TAOK1: variants seen among roughly 807,000 people sequenced by gnomAD.
TAOK1 encodes TAO kinase 1.
Under a neutral mutation model 138.3 loss-of-function variants are expected in TAOK1, and 21 were observed. The ratio of observed to expected loss-of-function variants is 0.15; its 90% CI spans 0.11 to 0.22. The LOEUF is 0.22. TAOK1 is among the 10% of genes least tolerant of loss of function. The pLI is 1.00. For synonymous variants in TAOK1, 361 were observed against 398.4 expected (o/e 0.91, Z 1.12); for missense variants, 651 against 1,227.7 (o/e 0.53, Z 7.02).
chr17:29,393,192 T>C (rs2153019312), intron 1 of TAOK1, among the ~76,000 whole-genome samples: 1 of 152,312 alleles, frequency 6.6e-6, no homozygotes, highest in Non-Finnish European at 1.5e-5. Flanking sequence ...TGTTGATAAT[T>C]ATTTCATATA....
chr17:29,394,150 G>T (rs1157234178), intron 1 of TAOK1, among the ~76,000 whole-genome samples: 34 of 48,262 alleles, frequency 7.0e-4, no homozygotes, highest in Admixed American at 2.7e-3. Flanking sequence ...TAATTTGCCA[G>T]TTTTTTTTTT....
chr17:29,515,421 C>T (rs1223937338), intron 15 of TAOK1, among the ~76,000 whole-genome samples: 1 of 152,150 alleles, frequency 6.6e-6, no homozygotes, highest in Non-Finnish European at 1.5e-5. Flanking sequence ...ACTTTATTAA[C>T]CAATCATTGT....
chr17:29,492,216 T>C (rs1400851528), intron 10 of TAOK1, among the ~76,000 whole-genome samples: 2 of 152,170 alleles, frequency 1.3e-5, no homozygotes, highest in Non-Finnish European at 2.9e-5. Context: ...CCCTAAGAAA[T>C]GATTGTAAAG....
chr17:29,542,382 A>G (rs1195331094), intron 19 of TAOK1, among the ~76,000 whole-genome samples, 179 bp from the exon 20 acceptor site: 2 of 152,222 alleles, frequency 1.3e-5, no homozygotes, highest in Non-Finnish European at 2.9e-5. Flanking sequence ...CCCCGAATAT[A>G]TAAAAACTTT....
At chr17:29,415,715 A>G (rs1040567019) in intron 1 of TAOK1, among the ~76,000 whole-genome samples, 4 of 152,234 alleles carry the variant, frequency 2.6e-5, no homozygotes, top group Non-Finnish European at 5.9e-5. Flanking sequence ...TTGAAGATGT[A>G]AAGTATTTGG....
intron 1 of TAOK1, among the ~76,000 whole-genome samples, chr17:29,439,525 A>AT (rs1350366851): frequency 6.6e-6 from 1 of 151,860 alleles, no homozygotes; most frequent in Non-Finnish European, 1.5e-5. Context: ...TAAAGCTGGA[A>AT]TTTTTTTACC....
At chr17:29,438,371 G>C (rs892856387) in intron 1 of TAOK1, among the ~76,000 whole-genome samples, 2 of 152,138 alleles carry the variant, frequency 1.3e-5, no homozygotes, top group Admixed American at 6.6e-5. Flanking sequence ...CTCTGTTGAA[G>C]TTTGCAAATA....
chr17:29,480,565 T>TA, intron 7 of TAOK1, 84 bp downstream of exon 7: 1 of 1,204,720 alleles, frequency 8.3e-7, no homozygotes, highest in Non-Finnish European at 1.2e-6. Context: ...TAAGGTAAAG[T>TA]ACTGTCAGGA....
intron 1 of TAOK1, chr17:29,403,806 G>C (rs1904917788): frequency 6.6e-6 from 1 of 152,178 alleles, no homozygotes; most frequent in African/African-American, 2.4e-5. Flanking sequence ...TTACACCGAA[G>C]CAGTCCTCAT....
chr17:29,462,161 C>G (rs1038645213), intron 2 of TAOK1, among the ~76,000 whole-genome samples: 12 of 152,180 alleles, frequency 7.9e-5, no homozygotes, highest in African/African-American at 2.9e-4. Context: ...TAACACACTT[C>G]TGAATTTTAA....
intron 12 of TAOK1, among the ~76,000 whole-genome samples, chr17:29,499,131 A>T (rs551536609): frequency 3.0e-4 from 45 of 152,224 alleles, no homozygotes; most frequent in African/African-American, 1.1e-3. Context: ...AATAGGAAGG[A>T]TACACATAAA....
intron 17 of TAOK1, among the ~76,000 whole-genome samples, chr17:29,528,046 TTG>T (rs534707475): frequency 6.6e-6 from 1 of 151,694 alleles, no homozygotes; most frequent in African/African-American, 2.4e-5. Flanking sequence ...TTTGTTTGTT[TTG>T]TGTGTGTGTG....
At chr17:29,470,633 T>C (rs1287323463) in intron 3 of TAOK1, among the ~76,000 whole-genome samples, 1 of 152,152 alleles carries the variant, frequency 6.6e-6, no homozygotes, top group Non-Finnish European at 1.5e-5. Context: ...TTTTAATGAG[T>C]CATTAATGAT....
chr17:29,536,256 G>A (rs373183617), intron 19 of TAOK1, among the ~76,000 whole-genome samples: 16 of 152,044 alleles, frequency 1.1e-4, no homozygotes, highest in East Asian at 9.7e-4. Context: ...CCGAGATGGC[G>A]CCACTGCACT....
intron 17 of TAOK1, among the ~76,000 whole-genome samples, chr17:29,524,379 C>T (rs2031971564): frequency 6.6e-6 from 1 of 152,156 alleles, no homozygotes; most frequent in African/African-American, 2.4e-5. Context: ...GACTGCATTT[C>T]TCTAGGGCTT....
In TAOK1 at chr17:29,546,286, A is replaced by G. The variant is rs936754646; in HGVS notation, c.*3264A>G. On this transcript the variant is annotated 3_prime_UTR_variant, in exon 20 of 20. Transcript: ENST00000261716. ...GTTGGTAAATGGAACATTTTAGCAT[A>G]GTCATGATTTTTGGTTGCCTAGACA... 1 of 152,098 alleles carries G rather than the reference A, an allele frequency of 6.6e-6. No homozygotes were observed. The highest frequency in any genetic ancestry group is 1.5e-5 in the Non-Finnish European group (1 of 67,974). 9.4% of individuals were successfully genotyped at this position (152,098 alleles called of 1,614,324 possible).
intron 17 of TAOK1, among the ~76,000 whole-genome samples, chr17:29,525,983 G>T (rs570680126): frequency 1.3e-5 from 2 of 152,136 alleles, no homozygotes; most frequent in African/African-American, 4.8e-5. Flanking sequence ...GCGACAGAGC[G>T]AGACTCCGTC....
chr17:29,500,568 C>T (rs546516766), intron 12 of TAOK1, among the ~76,000 whole-genome samples: 1 of 152,132 alleles, frequency 6.6e-6, no homozygotes, highest in South Asian at 2.1e-4. Flanking sequence ...TGGTGAAACA[C>T]CGTCTCTACT....
At chr17:29,397,653 T>TGATACATGTATACATGTATACATGTAC (rs1281910310) in intron 1 of TAOK1, among the ~76,000 whole-genome samples, 3 of 131,420 alleles carry the variant, frequency 2.3e-5, no homozygotes, top group South Asian at 2.7e-4. Context: ...TATATATGTA[T>TGATACATGTATACATGTATACATGTAC]ATTCATGTAT....
Sources: gnomAD v4.1 joint callset for allele counts (sites outside exome capture counted in the v4.1 genomes callset) on GRCh38, gnomAD v4.1.1 for gene constraint, MANE v1.5 for transcripts, NCBI Gene and HGNC (gene_info 2026-07-23, HGNC 2026-07-21) for gene names.